CAST: variants seen among roughly 807,000 people sequenced by gnomAD.
CAST encodes the protein MIR583 host.
In CAST, 76 loss-of-function variants were observed where a neutral mutation model predicts 119.6. That is an observed-to-expected ratio of 0.64 (90% CI 0.53 to 0.77). CAST has a LOEUF of 0.77. CAST is among the 30% of genes least tolerant of loss of function. The probability of loss-of-function intolerance (pLI) is 0.00; values close to 1 mark genes in which losing one functional copy is unlikely to be tolerated. For synonymous variants in CAST, 319 were observed against 331.6 expected (o/e 0.96, Z 0.41); for missense variants, 953 against 946.5 (o/e 1.01, Z -0.09).
chr5:96,452,285 T>C, the CAST span, among the ~76,000 whole-genome samples: 1 of 152,108 alleles, frequency 6.6e-6, no homozygotes, highest in East Asian at 1.9e-4. Context: ...ATGTGGCACA[T>C]ATACACCATG....
At chr5:96,359,579 C>T in the CAST span, among the ~76,000 whole-genome samples, 1 of 152,112 alleles carries the variant, frequency 6.6e-6, no homozygotes, top group Non-Finnish European at 1.5e-5. Context: ...CTTTATTTTT[C>T]CTTTGCTTGT....
the CAST span, among the ~76,000 whole-genome samples, chr5:96,484,093 T>A: frequency 6.6e-6 from 1 of 152,170 alleles, no homozygotes; most frequent in Non-Finnish European, 1.5e-5. Context: ...ACCTGTTTAA[T>A]AAGTCTGTAG....
At chr5:96,281,144 G>A in the CAST span, among the ~76,000 whole-genome samples, 1 of 152,088 alleles carries the variant, frequency 6.6e-6, no homozygotes, top group Admixed American at 6.6e-5. Context: ...AATGTCATAT[G>A]CATTATTGAG....
the CAST span, among the ~76,000 whole-genome samples, chr5:96,372,334 A>AT: frequency 2.0e-5 from 3 of 152,036 alleles, no homozygotes; most frequent in African/African-American, 7.2e-5. Context: ...CATGAATCTG[A>AT]TTACATATAA....
chr5:95,964,386 T>G, the CAST span, among the ~76,000 whole-genome samples: 30 of 152,236 alleles, frequency 2.0e-4, no homozygotes, highest in Admixed American at 1.7e-3. Context: ...ACCAGTTAAG[T>G]ATAACATGCG....
chr5:96,496,910 G>A, the CAST span, among the ~76,000 whole-genome samples: 1 of 151,820 alleles, frequency 6.6e-6, no homozygotes, highest in Non-Finnish European at 1.5e-5. Context: ...TGCACGACGT[G>A]CAGGTTAGTT....
At chr5:96,562,216 G>A (rs1746388282) in intron 1 of CAST, among the ~76,000 whole-genome samples, 1 of 151,538 alleles carries the variant, frequency 6.6e-6, no homozygotes. Context: ...CAAATCCATA[G>A]GGTAAAATAT....
At chr5:96,646,482 G>A (rs893655782) in intron 1 of CAST, among the ~76,000 whole-genome samples, 19 of 152,326 alleles carry the variant, frequency 1.2e-4, no homozygotes, top group Non-Finnish European at 2.8e-4. Context: ...CTTGCAAGAT[G>A]TATTGTTAAA....
the CAST span, among the ~76,000 whole-genome samples, chr5:96,335,315 C>T: frequency 2.6e-5 from 4 of 152,194 alleles, no homozygotes; most frequent in Non-Finnish European, 5.9e-5. Context: ...TAAGGCCACC[C>T]ATATTGTAGC....
chr5:96,511,699 C>G, the CAST span, among the ~76,000 whole-genome samples: 3 of 152,214 alleles, frequency 2.0e-5, no homozygotes, highest in African/African-American at 7.2e-5. Context: ...CTCCTAATTG[C>G]TCTGTTGGAG....
intron 3 of CAST, among the ~76,000 whole-genome samples, chr5:96,704,592 A>G (rs1316927598): frequency 2.0e-5 from 3 of 152,236 alleles, no homozygotes; most frequent in Non-Finnish European, 4.4e-5. Context: ...GTCCTATTCA[A>G]ATAAAAACTC....
intron 1 of CAST, among the ~76,000 whole-genome samples, chr5:96,609,830 GGGGGGCATTTTTTAAAT>G (rs1255126644): frequency 1.5e-5 from 2 of 130,272 alleles, no homozygotes; most frequent in Non-Finnish European, 3.6e-5. Flanking sequence ...TTCTTACTCA[GGGGGGCATTTTTTAAAT>G]GCCTTAATTC....
chr5:96,208,056 T>TTGCAGGTTTTCTAGTTTGTG, the CAST span, among the ~76,000 whole-genome samples: 1 of 151,954 alleles, frequency 6.6e-6, no homozygotes. Context: ...TAGCTCTTTC[T>TTGCAGGTTTTCTAGTTTGTG]TGCAGGTTTT....
chr5:96,328,483 CT>C, the CAST span, among the ~76,000 whole-genome samples: 1 of 146,590 alleles, frequency 6.8e-6, no homozygotes, highest in Non-Finnish European at 1.5e-5. Flanking sequence ...GGTTTCCTTT[CT>C]GGGCGTTTGT....
intron 2 of CAST, among the ~76,000 whole-genome samples, chr5:96,688,203 T>G (rs1362261327): frequency 6.6e-6 from 1 of 152,208 alleles, no homozygotes; most frequent in South Asian, 2.1e-4. Flanking sequence ...TTTGAGAAAA[T>G]GTTTGGTCTT....
At chr5:96,558,465 A>G (rs1014048296) in intron 1 of CAST, among the ~76,000 whole-genome samples, 2 of 152,212 alleles carry the variant, frequency 1.3e-5, no homozygotes, top group East Asian at 3.8e-4. Context: ...CACTAGCAAG[A>G]CTAATAAAGA....
At chr5:96,743,879 C>A in intron 16 of CAST, 1 of 612,058 alleles carries the variant, frequency 1.6e-6, no homozygotes, top group Non-Finnish European at 2.8e-6. Flanking sequence ...AGTCAGGAGG[C>A]CAAGCTGAGT....
the CAST span, among the ~76,000 whole-genome samples, chr5:96,191,648 C>A: frequency 6.6e-6 from 1 of 152,206 alleles, no homozygotes; most frequent in Non-Finnish European, 1.5e-5. Flanking sequence ...AGGCTCACTG[C>A]AACCTCTGCC....
chr5:96,609,445 C>A (rs1747320139), intron 1 of CAST, among the ~76,000 whole-genome samples: 1 of 152,150 alleles, frequency 6.6e-6, no homozygotes, highest in South Asian at 2.1e-4. Flanking sequence ...ACACAAATCA[C>A]TAATAATCTT....
Sources: gnomAD v4.1 joint callset for allele counts (sites outside exome capture counted in the v4.1 genomes callset) on GRCh38, gnomAD v4.1.1 for gene constraint, MANE v1.5 for transcripts, NCBI Gene and HGNC (gene_info 2026-07-23, HGNC 2026-07-21) for gene names.